The following SLC25A12 variants were observed in gnomAD, a reference collection of about 807,000 sequenced individuals.
The protein encoded by SLC25A12 is electrogenic aspartate/glutamate antiporter SLC25A12, mitochondrial.
In SLC25A12, 32 loss-of-function variants were observed where a neutral mutation model predicts 83.3. The ratio of observed to expected loss-of-function variants is 0.38; its 90% CI spans 0.29 to 0.52. The LOEUF (loss-of-function observed/expected upper bound fraction) is 0.52. SLC25A12 is among the 20% of genes least tolerant of loss of function. SLC25A12 has a pLI of 0.84. For synonymous variants in SLC25A12, 267 were observed against 291.1 expected (o/e 0.92, Z 0.84); for missense variants, 611 against 835.6 (o/e 0.73, Z 3.31).
intron 5 of SLC25A12, among the ~76,000 whole-genome samples, chr2:171,841,677 C>A (rs1411152756): frequency 1.3e-5 from 2 of 152,164 alleles, no homozygotes; most frequent in Admixed American, 1.3e-4. Flanking sequence ...TCAGCCGGAA[C>A]AAGAGGTTTT....
rs1368008717 is a variant in SLC25A12 at position 171,787,814 on chromosome 2, G to A, written c.1719C>T (p.Pro573=). The part of the protein sequence containing the change: ...CFRKILREEG[P]SAFWKGTAAR... Reference sequence around the variant, plus strand: ...CTGCAGTCCCTTTCCAAAATGCTGAGGGCCCTTCTTCCCGGAGAATCTTCC... The same window carrying A: ...CTGCAGTCCCTTTCCAAAATGCTGAAGGCCCTTCTTCCCGGAGAATCTTCC... Residue 573 remains proline, a synonymous_variant, in exon 16 of 18, where the codon CCC becomes CCT. Transcript: ENST00000422440. 1.1e-5 allele frequency: 17 copies of A among 1,614,046 alleles called. No individual in the cohort carries two copies. The highest frequency in any genetic ancestry group is 1.4e-5 in the Non-Finnish European group (16 of 1,180,032).
chr2:171,820,525 G>A (rs1403152907), intron 9 of SLC25A12, among the ~76,000 whole-genome samples: 1 of 146,480 alleles, frequency 6.8e-6, no homozygotes, highest in Non-Finnish European at 1.5e-5. Flanking sequence ...TCAGGAGATC[G>A]AGACCATGCC....
Position 171,834,936 on chromosome 2 carries a change from T to C in SLC25A12, c.613-71A>G, listed in dbSNP as rs1684524621. On this transcript the variant is annotated intron_variant, in intron 6 of 17. Coordinates refer to ENST00000422440, the MANE Select transcript of SLC25A12 (RefSeq NM_003705.5). ...AAACACGTTTATGGACACTGTACTTTTCTCAAAGAGGATCCAAAGGAGTCT... is the reference window on the plus strand; with the variant it reads ...AAACACGTTTATGGACACTGTACTTCTCTCAAAGAGGATCCAAAGGAGTCT... 8 of 1,515,438 alleles carry C rather than the reference T, an allele frequency of 5.3e-6. No individual in the cohort carries two copies. In the Admixed American group the frequency reaches 1.5e-4, roughly 29 times the overall value. The allele number at this position is 1,515,438 out of a possible 1,614,324, so 93.9% of individuals were successfully genotyped here.
chr2:171,894,200 CACCT>C lies in SLC25A12; in HGVS notation c.11_12+2del. 3 of 1,608,834 alleles carry C rather than the reference CACCT, an allele frequency of 1.9e-6. No individual in the cohort carries two copies. The highest frequency in any genetic ancestry group is 1.7e-6 in the Non-Finnish European group (2 of 1,177,768). ...AAAAGCAGCAGCAGAGAGTTGGAGT[CACCT>C]TGACCGCCATGCTGTGCTCGGAAGC... On this transcript the variant is annotated splice_donor_variant and coding_sequence_variant, in exon 1 of 18. Transcript: ENST00000422440. LOFTEE classifies it high-confidence loss of function.
intron 15 of SLC25A12, among the ~76,000 whole-genome samples, chr2:171,789,443 T>C (rs1009255585): frequency 2.6e-5 from 4 of 152,052 alleles, no homozygotes; most frequent in East Asian, 3.9e-4. Context: ...TTAGCCAGGA[T>C]GGTCTCGATC....
chr2:171,815,056 C>T (rs749437710), intron 10 of SLC25A12, 65 bp downstream of exon 10: 38 of 1,318,608 alleles, frequency 2.9e-5, no homozygotes, highest in Non-Finnish European at 4.2e-5. Flanking sequence ...GCTGATCTGC[C>T]TCAGTCTGGT....
At chr2:171,834,093 A>T (rs765460409) in intron 7 of SLC25A12, 37 bp from the exon 8 acceptor site, 2 of 1,154,244 alleles carry the variant, frequency 1.7e-6, no homozygotes, top group Middle Eastern at 2.0e-4. Flanking sequence ...ATCTTGAATG[A>T]TTCTTAATAT....
chr2:171,803,803 A>T (rs1683762456), intron 13 of SLC25A12, among the ~76,000 whole-genome samples: 2 of 85,782 alleles, frequency 2.3e-5, no homozygotes, highest in African/African-American at 7.5e-5. Flanking sequence ...ACCATTATTT[A>T]AAAAAATACA....
chr2:171,837,215 T>C lies in SLC25A12; in HGVS notation c.518A>G (p.Lys173Arg). 6.2e-7 allele frequency: 1 copy of C among 1,614,166 alleles called. No individual in the cohort carries two copies. The highest frequency in any genetic ancestry group is 8.5e-7 in the Non-Finnish European group (1 of 1,180,012). ...ATCCAGACCAGAAATCATGCCACTTTTGCTTTTGTCTTTGAGTGCAAAGGC... is the reference window on the plus strand; with the variant it reads ...ATCCAGACCAGAAATCATGCCACTTCTGCTTTTGTCTTTGAGTGCAAAGGC... ...RQAFALKDKS[K>R]SGMISGLDFS... Residue 173 changes from lysine (K) to arginine (R), a missense_variant, in exon 6 of 18, where the codon AAA becomes AGA. This residue lies in a region of SLC25A12 where 540 missense variants were observed against 777.5 expected (regional missense o/e 0.69). Transcript: ENST00000422440.
At chr2:171,792,671 C>G (rs1683504920) in intron 14 of SLC25A12, among the ~76,000 whole-genome samples, 1 of 150,530 alleles carries the variant, frequency 6.6e-6, no homozygotes, top group Admixed American at 6.6e-5. Context: ...AAGGATAATA[C>G]AGAGAGAAGC....
chr2:171,862,501 A>C (rs2105911267), intron 3 of SLC25A12, among the ~76,000 whole-genome samples: 1 of 152,284 alleles, frequency 6.6e-6, no homozygotes, highest in East Asian at 1.9e-4. Context: ...CCCATATCCA[A>C]ACACTCCTAC....
rs1684558388 is a variant in SLC25A12, at chr2:171,836,429, G to A, written c.612+692C>T. On this transcript the variant is annotated intron_variant, in intron 6 of 17. Coordinates refer to ENST00000422440, the MANE Select transcript of SLC25A12 (RefSeq NM_003705.5). ...CTATGTGAGGAAGTGGATGACATGAGTTTGCTATTGGTCCAGATGATTACT... is the reference window on the plus strand; with the variant it reads ...CTATGTGAGGAAGTGGATGACATGAATTTGCTATTGGTCCAGATGATTACT... 2.0e-5 allele frequency among the ~76,000 whole-genome samples: 3 copies of A among 152,212 alleles called. 1 individual carries two copies. The South Asian group carries it at 6.2e-4, about 32-fold the overall frequency.
intron 5 of SLC25A12, among the ~76,000 whole-genome samples, chr2:171,838,125 C>T (rs1213360275): frequency 6.6e-6 from 1 of 152,202 alleles, no homozygotes; most frequent in African/African-American, 2.4e-5. Context: ...CACCGTCACA[C>T]TCTTTGCAAC....
chr2:171,786,382 T>TA (rs5836348), intron 17 of SLC25A12, among the ~76,000 whole-genome samples: 1,908 of 85,722 alleles, frequency 0.022, 60 homozygotes, highest in African/African-American at 0.07. Context: ...AGACTCCGTC[T>TA]AAAAAAAAAA....
rs1558916776 is a variant in SLC25A12, at chr2:171,815,201, T to C, written c.932A>G (p.Gln311Arg). 5 of 1,611,990 alleles carry C rather than the reference T, an allele frequency of 3.1e-6. No individual in the cohort carries two copies. The highest frequency in any genetic ancestry group is 1.3e-5 in the African/African-American group (1 of 74,822). Reference protein sequence around the residue: ...PYNLAELQRQQSPGLGRPIWL... With the variant: ...PYNLAELQRQRSPGLGRPIWL... The stretch of plus-strand genomic sequence containing the variant: ...GATAGGCCTGCCTAACCCAGGAGAC[T>C]GCTGCAGAGAAGAAAACGGGTAAAA... Residue 311 changes from glutamine to arginine, a missense_variant and splice_region_variant, in exon 10 of 18, where the codon CAG (glutamine) becomes CGG (arginine). Transcript: ENST00000422440.
chr2:171,803,718 C>T (rs921223575), intron 13 of SLC25A12, among the ~76,000 whole-genome samples: 12 of 152,032 alleles, frequency 7.9e-5, no homozygotes, highest in African/African-American at 2.7e-4. Context: ...GCCAGGAGTT[C>T]GAGGCTGTAG....
chr2:171,828,637 A>T (rs1267336158), intron 8 of SLC25A12, among the ~76,000 whole-genome samples: 1 of 152,190 alleles, frequency 6.6e-6, no homozygotes, highest in Non-Finnish European at 1.5e-5. Context: ...GGAATAGCCA[A>T]CACTATTATT....
intron 3 of SLC25A12, among the ~76,000 whole-genome samples, chr2:171,858,445 C>A (rs540954361): frequency 2.6e-5 from 4 of 152,228 alleles, no homozygotes; most frequent in Admixed American, 6.5e-5. Flanking sequence ...AAAAAATACA[C>A]CTACCCTGAA....
At chr2:171,816,567 T>C (rs1354447937) in intron 9 of SLC25A12, among the ~76,000 whole-genome samples, 1 of 152,174 alleles carries the variant, frequency 6.6e-6, no homozygotes, top group African/African-American at 2.4e-5. Context: ...TTTGTATTTT[T>C]TTATTGTTGT....
Sources: allele counts gnomAD v4.1 joint callset (sites outside exome capture counted in the v4.1 genomes callset), GRCh38; gene constraint gnomAD v4.1.1; regional missense constraint gnomAD v4.1.1; transcripts MANE v1.5; gene names NCBI Gene and HGNC (gene_info 2026-07-23, HGNC 2026-07-21).